The following TMEM132D variants were observed in gnomAD, a reference collection of about 807,000 sequenced individuals.
TMEM132D encodes mature OL transmembrane protein.
Under a neutral mutation model 62.3 loss-of-function variants are expected in TMEM132D, and 21 were observed. That is an observed-to-expected ratio of 0.34 (90% CI 0.24 to 0.49). The LOEUF is 0.49. Ranked by LOEUF, TMEM132D falls within the 20% of genes least tolerant of loss-of-function variation. The pLI is 0.99. For missense variants in TMEM132D, 1,346 were observed against 1,402.8 expected, an observed-to-expected ratio of 0.96 and a Z score of 0.65; for synonymous variants, 621 against 575.6, an observed-to-expected ratio of 1.08 and a Z score of -1.13.
At chr12:129,743,324 T>C (rs953405909) in intron 1 of TMEM132D, among the ~76,000 whole-genome samples, 11 of 152,236 alleles carry the variant, frequency 7.2e-5, no homozygotes, top group East Asian at 1.9e-4. Context: ...CAATGGGAGA[T>C]AATTTAATCA....
chr12:129,348,882 A>G (rs1273474404), intron 3 of TMEM132D, among the ~76,000 whole-genome samples: 6 of 152,324 alleles, frequency 3.9e-5, no homozygotes, highest in African/African-American at 1.4e-4. Context: ...ACAACTAGCC[A>G]TATCTCTGGA....
At chr12:129,353,903 T>C (rs1869952688) in intron 3 of TMEM132D, among the ~76,000 whole-genome samples, 1 of 151,880 alleles carries the variant, frequency 6.6e-6, no homozygotes, top group Non-Finnish European at 1.5e-5. Flanking sequence ...AGGTCTAATC[T>C]TCTCGCACGG....
At chr12:129,224,594 G>T (rs901447094) in intron 4 of TMEM132D, among the ~76,000 whole-genome samples, 1 of 152,142 alleles carries the variant, frequency 6.6e-6, no homozygotes, top group Non-Finnish European at 1.5e-5. Context: ...TATTGTACTA[G>T]TGGAGCTTGC....
intron 4 of TMEM132D, among the ~76,000 whole-genome samples, chr12:129,252,762 T>C (rs1880301920): frequency 6.6e-6 from 1 of 152,028 alleles, no homozygotes; most frequent in African/African-American, 2.4e-5. Flanking sequence ...AGCGGCACTA[T>C]TCACAATAGC....
chr12:129,201,774 G>C (rs1401469712), intron 5 of TMEM132D, among the ~76,000 whole-genome samples: 3 of 152,098 alleles, frequency 2.0e-5, no homozygotes, highest in African/African-American at 7.2e-5. Flanking sequence ...TGGGGGTAGG[G>C]GGAGAAAGAG....
chr12:129,598,852 T>TG (rs1317049749), intron 2 of TMEM132D, among the ~76,000 whole-genome samples: 1 of 152,180 alleles, frequency 6.6e-6, no homozygotes, highest in Non-Finnish European at 1.5e-5. Flanking sequence ...GGAGTACATG[T>TG]GGATGAGTGG....
At chr12:129,216,030 T>A (rs1307151823) in intron 4 of TMEM132D, among the ~76,000 whole-genome samples, 3 of 152,184 alleles carry the variant, frequency 2.0e-5, no homozygotes, top group Non-Finnish European at 4.4e-5. Flanking sequence ...CAATTCAAGA[T>A]GAGATTTGGG....
At chr12:129,796,959 T>C (rs765905466) in intron 1 of TMEM132D, among the ~76,000 whole-genome samples, 1 of 152,232 alleles carries the variant, frequency 6.6e-6, no homozygotes, top group Non-Finnish European at 1.5e-5. Flanking sequence ...GACCATCTCT[T>C]GCTTTAGAAG....
At chr12:129,248,610 G>A (rs1224322739) in intron 4 of TMEM132D, among the ~76,000 whole-genome samples, 4 of 151,748 alleles carry the variant, frequency 2.6e-5, no homozygotes, top group Non-Finnish European at 4.4e-5. Context: ...TGTTACACAG[G>A]TAGACTTGGG....
At chr12:129,394,534 G>A (rs1015956105) in intron 3 of TMEM132D, among the ~76,000 whole-genome samples, 6 of 152,234 alleles carry the variant, frequency 3.9e-5, no homozygotes, top group Admixed American at 1.3e-4. Context: ...CCTGTGAGAG[G>A]TAGAATAAAG....
chr12:129,240,287 C>T lies in TMEM132D; in HGVS notation c.1300-30624G>A, dbSNP rs564905374. On this transcript the variant is annotated intron_variant, in intron 4 of 8. Coordinates refer to ENST00000422113, the MANE Select transcript of TMEM132D (RefSeq NM_133448.3). ...CACTTTTATGCCGCTGGATACCTTC[C>T]ATTTTCCAATTTATTGCTAATATAA... Among the ~76,000 whole-genome samples, 12 of 152,282 alleles carry T rather than the reference C, an allele frequency of 7.9e-5. No homozygotes were observed. In the East Asian group the frequency reaches 2.1e-3, roughly 27 times the overall value.
Position 129,582,004 on chromosome 12 carries a change from G to C in TMEM132D, c.969-50799C>G, listed in dbSNP as rs144956736. Reference sequence around the variant, plus strand: ...CTACCCACAGCATGTTTAACACTGAGAGCATCAATGAGATACAGCAGGTAC... The same window carrying C: ...CTACCCACAGCATGTTTAACACTGACAGCATCAATGAGATACAGCAGGTAC... On this transcript the variant is annotated intron_variant, in intron 2 of 8. Coordinates refer to ENST00000422113, the MANE Select transcript of TMEM132D (RefSeq NM_133448.3). 7.8e-3 allele frequency among the ~76,000 whole-genome samples: 1,193 copies of C among 152,314 alleles called. 7 individuals are homozygous for C. Among genetic ancestry groups the C allele is most frequent in the Middle Eastern group, 0.048 (14 of 294 alleles).
chr12:129,636,066 T>C (rs967994024), intron 2 of TMEM132D, among the ~76,000 whole-genome samples: 3 of 152,180 alleles, frequency 2.0e-5, no homozygotes, highest in Admixed American at 2.0e-4. Context: ...TTAAAATAAG[T>C]ATTTGTGGAG....
intron 4 of TMEM132D, among the ~76,000 whole-genome samples, chr12:129,323,890 T>C (rs961805799): frequency 4.1e-5 from 6 of 146,480 alleles, no homozygotes; most frequent in Non-Finnish European, 7.4e-5. Flanking sequence ...TTCAAGCACA[T>C]TTTCTATAGG....
chr12:129,107,889 C>T (rs1009789653), intron 5 of TMEM132D, among the ~76,000 whole-genome samples: 2 of 150,214 alleles, frequency 1.3e-5, no homozygotes, highest in Admixed American at 6.7e-5. Context: ...GATGGAGTTT[C>T]ACCATGTTGC....
intron 1 of TMEM132D, among the ~76,000 whole-genome samples, chr12:129,769,820 T>C (rs1388150238): frequency 6.6e-6 from 1 of 152,142 alleles, no homozygotes; most frequent in Non-Finnish European, 1.5e-5. Context: ...AGGACTCACA[T>C]AGTTGTCCAG....
chr12:129,494,138 T>C (rs180755078), intron 3 of TMEM132D, among the ~76,000 whole-genome samples: 19 of 152,226 alleles, frequency 1.2e-4, no homozygotes, highest in Admixed American at 5.9e-4. Flanking sequence ...ACTGAAGATA[T>C]AAATCCCCAA....
chr12:129,337,414 T>C (rs1869317280), intron 4 of TMEM132D, among the ~76,000 whole-genome samples: 2 of 144,792 alleles, frequency 1.4e-5, no homozygotes, highest in South Asian at 2.3e-4. Context: ...TTTATATTTG[T>C]ATAGATATAG....
At chr12:129,193,006 A>C (rs1878447012) in intron 5 of TMEM132D, among the ~76,000 whole-genome samples, 1 of 152,078 alleles carries the variant, frequency 6.6e-6, no homozygotes, top group Non-Finnish European at 1.5e-5. Flanking sequence ...AAAATACAAA[A>C]AATTAGCCGA....
Sources: allele counts gnomAD v4.1 joint callset (sites outside exome capture counted in the v4.1 genomes callset), GRCh38; gene constraint gnomAD v4.1.1; transcripts MANE v1.5; gene names NCBI Gene and HGNC (gene_info 2026-07-23, HGNC 2026-07-21).